The following FRMD4A variants were observed in gnomAD, a reference collection of about 807,000 sequenced individuals.
FRMD4A encodes FERM domain-containing protein 4A.
In FRMD4A, 29 loss-of-function variants were observed where a neutral mutation model predicts 129.1. The ratio of observed to expected loss-of-function variants is 0.22; its 90% CI spans 0.17 to 0.31. The LOEUF (loss-of-function observed/expected upper bound fraction) is 0.31. Ranked by LOEUF, FRMD4A falls within the 10% of genes least tolerant of loss-of-function variation. FRMD4A has a pLI of 1.00. For missense variants in FRMD4A, 1,272 were observed against 1,375.8 expected, an observed-to-expected ratio of 0.92 and a Z score of 1.19; for synonymous variants, 634 against 571.6, an observed-to-expected ratio of 1.11 and a Z score of -1.56.
chr10:14,234,389 G>A (rs993429621), intron 2 of FRMD4A, among the ~76,000 whole-genome samples: 37 of 152,158 alleles, frequency 2.4e-4, no homozygotes, highest in African/African-American at 8.0e-4. Flanking sequence ...ATTCAGTAAA[G>A]TTCTTATCAG....
At chr10:13,886,256 C>T (rs1359680976) in intron 2 of FRMD4A, among the ~76,000 whole-genome samples, 1 of 147,422 alleles carries the variant, frequency 6.8e-6, no homozygotes, top group Admixed American at 6.8e-5. Context: ...GTTCCCCATA[C>T]AGCAAGGACA....
intron 2 of FRMD4A, chr10:14,087,451 T>A (rs536475680): frequency 2.0e-5 from 3 of 151,938 alleles, no homozygotes; most frequent in Middle Eastern, 3.5e-3. Flanking sequence ...CTTTGTATAT[T>A]TTCTGGCACA....
chr10:14,162,721 C>T (rs1360873113), intron 2 of FRMD4A, among the ~76,000 whole-genome samples: 4 of 131,284 alleles, frequency 3.0e-5, no homozygotes, highest in African/African-American at 8.8e-5. Flanking sequence ...TAACTGGATT[C>T]CTGTTGGGAT....
At chr10:14,177,172 A>G (rs892621276) in intron 2 of FRMD4A, among the ~76,000 whole-genome samples, 1 of 152,050 alleles carries the variant, frequency 6.6e-6, no homozygotes, top group Non-Finnish European at 1.5e-5. Context: ...AGAATTTCCA[A>G]TCATGTACCC....
intron 16 of FRMD4A, among the ~76,000 whole-genome samples, chr10:13,673,387 C>T (rs997764811): frequency 1.3e-5 from 2 of 152,172 alleles, no homozygotes; most frequent in African/African-American, 4.8e-5. Flanking sequence ...TCATTCTTCC[C>T]GCTGCAAGGC....
chr10:14,115,124 C>G (rs1838133014), intron 2 of FRMD4A, among the ~76,000 whole-genome samples: 1 of 152,188 alleles, frequency 6.6e-6, no homozygotes, highest in African/African-American at 2.4e-5. Flanking sequence ...CAAATGAGAG[C>G]CTGTCCCCTG....
intron 24 of FRMD4A, chr10:13,651,081 T>G (rs2081538659): frequency 6.6e-6 from 1 of 152,236 alleles, no homozygotes; most frequent in Non-Finnish European, 1.5e-5. Context: ...CCAGACCAGG[T>G]GGTACTGTTA....
chr10:14,213,801 T>A (rs545932151), intron 2 of FRMD4A, among the ~76,000 whole-genome samples: 2 of 152,218 alleles, frequency 1.3e-5, no homozygotes, highest in Non-Finnish European at 2.9e-5. Flanking sequence ...AGGGACCTGA[T>A]GGGAAGTAAT....
intron 13 of FRMD4A, among the ~76,000 whole-genome samples, chr10:13,702,934 C>T (rs368079666): frequency 7.0e-6 from 1 of 142,786 alleles, no homozygotes; most frequent in Non-Finnish European, 1.5e-5. Context: ...AAAAAAAAGC[C>T]AGAGCGTGAA....
At position 14,275,211 on chromosome 10, in the gene FRMD4A, C is replaced by T. The variant is rs182352319; in HGVS notation, c.45+54847G>A. Among the ~76,000 whole-genome samples the T allele has an allele frequency of 2.6e-4, 40 of 152,286 alleles. No individual in the cohort carries two copies. The East Asian group carries it at 7.5e-3, about 29-fold the overall frequency. ...GGAAGCCTCTCTTGACTCTGACCTC[C>T]CAGGACTTATAGTCAAGTCATAGCA... is the stretch of plus-strand genomic sequence containing the variant. On this transcript the variant is annotated intron_variant, in intron 2 of 24. Transcript: ENST00000357447.
At chr10:14,325,517 C>G (rs1256565887) in intron 2 of FRMD4A, among the ~76,000 whole-genome samples, 1 of 152,232 alleles carries the variant, frequency 6.6e-6, no homozygotes, top group Non-Finnish European at 1.5e-5. Flanking sequence ...ACTTCAAGAA[C>G]AAGTTCATCC....
chr10:14,047,499 C>A (rs1238815558), intron 2 of FRMD4A, among the ~76,000 whole-genome samples: 3 of 152,144 alleles, frequency 2.0e-5, no homozygotes, highest in Non-Finnish European at 2.9e-5. Flanking sequence ...GATCTCTAGG[C>A]AATCTTTAAT....
At chr10:13,863,397 C>A (rs527990129) in intron 2 of FRMD4A, among the ~76,000 whole-genome samples, 1 of 149,644 alleles carries the variant, frequency 6.7e-6, no homozygotes, top group East Asian at 2.0e-4. Flanking sequence ...ACCTGGGCAA[C>A]ATGGCAAAAC....
intron 2 of FRMD4A, among the ~76,000 whole-genome samples, chr10:14,089,346 C>T (rs923446237): frequency 3.9e-5 from 6 of 152,116 alleles, no homozygotes; most frequent in African/African-American, 1.4e-4. Context: ...CCCAGCCCAC[C>T]AGCCCCGCAG....
chr10:14,171,646 C>A (rs919326259), intron 2 of FRMD4A, among the ~76,000 whole-genome samples: 1 of 152,146 alleles, frequency 6.6e-6, no homozygotes, highest in Admixed American at 6.5e-5. Flanking sequence ...ATGCAAATCC[C>A]AAGATAAAAA....
intron 2 of FRMD4A, chr10:14,008,259 C>T (rs1000585182): frequency 2.0e-5 from 21 of 1,065,214 alleles, no homozygotes; most frequent in Non-Finnish European, 2.4e-5. Flanking sequence ...AAGTTATGGT[C>T]TCCTGGAGGG....
chr10:14,010,874 T>G (rs955503903), intron 2 of FRMD4A, among the ~76,000 whole-genome samples: 2 of 152,130 alleles, frequency 1.3e-5, no homozygotes, highest in African/African-American at 4.8e-5. Flanking sequence ...ATTCATACTC[T>G]CACAGTTATG....
At chr10:14,137,209 T>C (rs2131836429) in intron 2 of FRMD4A, among the ~76,000 whole-genome samples, 1 of 152,278 alleles carries the variant, frequency 6.6e-6, no homozygotes, top group African/African-American at 2.4e-5. Flanking sequence ...TGCATATAAT[T>C]TAGACCTTTA....
chr10:13,837,807 C>G (rs1391296748), intron 3 of FRMD4A, among the ~76,000 whole-genome samples: 1 of 152,234 alleles, frequency 6.6e-6, no homozygotes, highest in East Asian at 1.9e-4. Context: ...ACACACATCT[C>G]TGGTTGCACA....
Sources: allele counts gnomAD v4.1 joint callset (sites outside exome capture counted in the v4.1 genomes callset), GRCh38; gene constraint gnomAD v4.1.1; transcripts MANE v1.5; gene names NCBI Gene and HGNC (gene_info 2026-07-23, HGNC 2026-07-21).